COBLL1: variants seen among roughly 807,000 people sequenced by gnomAD.
COBLL1 encodes the protein cordon-bleu WH2 repeat protein like 1.
Under a neutral mutation model 94.8 loss-of-function variants are expected in COBLL1, and 50 were observed. The observed-to-expected ratio is 0.53, with a 90% CI of 0.42 to 0.67. The LOEUF is 0.67. Ranked by LOEUF, COBLL1 falls within the 30% of genes least tolerant of loss-of-function variation. The pLI, the probability that COBLL1 is intolerant of heterozygous loss-of-function variation, is 0.00. For synonymous variants in COBLL1, 448 were observed against 473.8 expected (o/e 0.95, Z 0.71); for missense variants, 1,362 against 1,348.7 (o/e 1.01, Z -0.15).
intron 2 of COBLL1, among the ~76,000 whole-genome samples, chr2:164,836,651 AT>A (rs1683334115): frequency 6.6e-6 from 1 of 152,236 alleles, no homozygotes; most frequent in Non-Finnish European, 1.5e-5. Flanking sequence ...AGCTTTAAAA[AT>A]AATATTGCAA....
intron 7 of COBLL1, among the ~76,000 whole-genome samples, chr2:164,707,076 C>T (rs1417393832): frequency 1.3e-5 from 2 of 152,128 alleles, no homozygotes; most frequent in East Asian, 1.9e-4. Context: ...CCTTACTGCT[C>T]CCTGTGCCTG....
At chr2:164,732,141 T>G (rs1363546911) in intron 3 of COBLL1, among the ~76,000 whole-genome samples, 1 of 151,978 alleles carries the variant, frequency 6.6e-6, no homozygotes, top group East Asian at 1.9e-4. Flanking sequence ...CCCTATTACT[T>G]GTATATATAT....
At chr2:164,717,249 A>AT (rs1685216075) in intron 7 of COBLL1, among the ~76,000 whole-genome samples, 1 of 152,212 alleles carries the variant, frequency 6.6e-6, no homozygotes, top group South Asian at 2.1e-4. Context: ...AAAATTAAAT[A>AT]AAAGTGTCTA....
chr2:164,699,033 C>T lies in COBLL1; in HGVS notation c.1555+372G>A, dbSNP rs921453572. Among the ~76,000 whole-genome samples the T allele has an allele frequency of 5.3e-5, 8 of 151,870 alleles. No homozygotes were observed. The East Asian group carries it at 7.8e-4, about 15-fold the overall frequency. On this transcript the variant is annotated intron_variant, in intron 11 of 13. Transcript: ENST00000652658. Reference sequence around the variant, plus strand: ...TAGATGGAAAAAAAGAGAAACAGATCGCAAATAGATACACAGAAGAAACAT... The same window carrying T: ...TAGATGGAAAAAAAGAGAAACAGATTGCAAATAGATACACAGAAGAAACAT...
chr2:164,760,507 G>C lies in COBLL1; in HGVS notation c.42-16632C>G, dbSNP rs1687627019. Among the ~76,000 whole-genome samples, 3 of 152,278 alleles carry C rather than the reference G, an allele frequency of 2.0e-5. No homozygotes were observed. The South Asian group carries it at 6.2e-4, about 32-fold the overall frequency. On this transcript the variant is annotated intron_variant, in intron 2 of 13. Coordinates refer to ENST00000652658, the MANE Select transcript of COBLL1 (RefSeq NM_001365672.2). ...TCTACACATGTGGCAAAGTTTCATA[G>C]AACTATAAACCTAAATCAACAAACA...
chr2:164,828,503 T>C (rs2105376326), intron 2 of COBLL1, among the ~76,000 whole-genome samples: 1 of 152,298 alleles, frequency 6.6e-6, no homozygotes, highest in East Asian at 1.9e-4. Flanking sequence ...TAAAGCTCTT[T>C]ATGTAATAAA....
At chr2:164,779,388 C>T (rs1188807968) in intron 2 of COBLL1, among the ~76,000 whole-genome samples, 3 of 152,118 alleles carry the variant, frequency 2.0e-5, no homozygotes, top group Non-Finnish European at 4.4e-5. Context: ...TCCCAGTCTT[C>T]TATTTTCCCG....
At chr2:164,837,792 G>C (rs1050414338) in intron 2 of COBLL1, among the ~76,000 whole-genome samples, 15 of 152,068 alleles carry the variant, frequency 9.9e-5, no homozygotes, top group African/African-American at 3.6e-4. Flanking sequence ...AATGTCTTTT[G>C]ATATCTAAAC....
intron 2 of COBLL1, among the ~76,000 whole-genome samples, chr2:164,744,838 T>A (rs1424989638): frequency 6.6e-6 from 1 of 152,190 alleles, no homozygotes; most frequent in African/African-American, 2.4e-5. Context: ...TAAGACAACC[T>A]CTTAACTAAC....
At chr2:164,789,358 C>T (rs1053989721) in intron 2 of COBLL1, among the ~76,000 whole-genome samples, 1 of 151,944 alleles carries the variant, frequency 6.6e-6, no homozygotes, top group African/African-American at 2.4e-5. Flanking sequence ...GTGTGTTTAG[C>T]CAGATGGTAC....
chr2:164,791,439 G>A (rs1210030325), intron 2 of COBLL1, among the ~76,000 whole-genome samples: 1 of 151,994 alleles, frequency 6.6e-6, no homozygotes, highest in Non-Finnish European at 1.5e-5. Flanking sequence ...ATGTAGACAT[G>A]GAGACAAAGC....
intron 2 of COBLL1, among the ~76,000 whole-genome samples, chr2:164,744,187 T>C (rs187405152): frequency 1.1e-4 from 16 of 152,278 alleles, no homozygotes; most frequent in African/African-American, 3.8e-4. Context: ...AAGAGGAAAA[T>C]GTATTTTCTT....
At chr2:164,818,983 C>T (rs1020988948) in intron 2 of COBLL1, among the ~76,000 whole-genome samples, 2 of 151,610 alleles carry the variant, frequency 1.3e-5, no homozygotes, top group Non-Finnish European at 1.5e-5. Context: ...GTTATCCAGA[C>T]TGATCTTGAA....
rs1435363873 is a variant in COBLL1, at chr2:164,841,339, G to A, written c.-50-93C>T. On this transcript the variant is annotated intron_variant, in intron 1 of 13. Transcript: ENST00000652658. The surrounding 1 kb of genome is among the most constrained non-coding windows in gnomAD (Gnocchi z 5.5). ...TGAGCGTCAAGAGCCCGCCCGAGCCGCTCCAGCCCCGGCCGGCCCGCCTCC... is the reference window on the plus strand; with the variant it reads ...TGAGCGTCAAGAGCCCGCCCGAGCCACTCCAGCCCCGGCCGGCCCGCCTCC... The A allele has an allele frequency of 8.3e-7, 1 of 1,201,938 alleles. No homozygotes were observed. The highest frequency in any genetic ancestry group is 1.0e-6 in the Non-Finnish European group (1 of 968,852). The allele number at this position is 1,201,938 out of a possible 1,614,324, so 74.5% of individuals were successfully genotyped here. A position where few individuals can be genotyped will look rare whatever the true frequency, so the allele number is the denominator to read the frequency against.
intron 3 of COBLL1, among the ~76,000 whole-genome samples, chr2:164,737,745 C>G (rs1345757566): frequency 6.6e-6 from 1 of 152,174 alleles, no homozygotes; most frequent in South Asian, 2.1e-4. Context: ...AATCCCACAC[C>G]GATCCCTTTA....
chr2:164,840,662 G>A (rs2105402831), intron 2 of COBLL1: 1 of 153,582 alleles, frequency 6.5e-6, no homozygotes, highest in East Asian at 1.9e-4. Context: ...CTCGCTCCCG[G>A]AACTGTCATG....
At position 164,680,939 on chromosome 2, in the gene COBLL1, G is replaced by T. The variant is rs1030204630; in HGVS notation, c.*5007C>A. 1 of 152,086 alleles carries T rather than the reference G, an allele frequency of 6.6e-6. No individual in the cohort carries two copies. Among genetic ancestry groups the T allele is most frequent in the Non-Finnish European group, 1.5e-5 (1 of 68,016 alleles). 9.4% of individuals were successfully genotyped at this position (152,086 alleles called of 1,614,324 possible). A position where few individuals can be genotyped will look rare whatever the true frequency, so the allele number is the denominator to read the frequency against. Reference sequence around the variant, plus strand: ...AGAGAAAACTATAGAGAAAGGGAGAGAATATACTTTTGCACTACGACTAAG... The same window carrying T: ...AGAGAAAACTATAGAGAAAGGGAGATAATATACTTTTGCACTACGACTAAG... On this transcript the variant is annotated 3_prime_UTR_variant, in exon 14 of 14. Transcript: ENST00000652658.
chr2:164,827,054 G>C (rs1171530748), intron 2 of COBLL1, among the ~76,000 whole-genome samples: 1 of 152,002 alleles, frequency 6.6e-6, no homozygotes, highest in Non-Finnish European at 1.5e-5. Flanking sequence ...TGGTTCAAGA[G>C]ACTCTCGCTC....
chr2:164,730,324 T>C (rs1170800048), intron 3 of COBLL1, among the ~76,000 whole-genome samples: 6 of 117,166 alleles, frequency 5.1e-5, no homozygotes, highest in Non-Finnish European at 1.1e-4. Flanking sequence ...ACCCTGTATC[T>C]ACAAAAAATA....
Sources: allele counts gnomAD v4.1 joint callset (sites outside exome capture counted in the v4.1 genomes callset), GRCh38; gene constraint gnomAD v4.1.1; non-coding constraint Gnocchi (gnomAD v3.1); transcripts MANE v1.5; gene names NCBI Gene and HGNC (gene_info 2026-07-23, HGNC 2026-07-21).